The following ADAMTS12 variants were observed in gnomAD, a reference collection of about 807,000 sequenced individuals.
ADAMTS12 encodes A disintegrin and metalloproteinase with thrombospondin motifs 12.
A neutral mutation model predicts 167.8 loss-of-function variants in ADAMTS12; 118 were observed. The ratio of observed to expected loss-of-function variants is 0.70; its 90% CI spans 0.61 to 0.82. ADAMTS12 has a LOEUF of 0.82. Ranked by LOEUF, ADAMTS12 falls within the 40% of genes least tolerant of loss-of-function variation. The probability of loss-of-function intolerance (pLI) is 0.00; values close to 1 mark genes in which losing one functional copy is unlikely to be tolerated. For synonymous variants in ADAMTS12, 704 were observed against 716.9 expected (o/e 0.98, Z 0.29); for missense variants, 1,916 against 1,998.8 (o/e 0.96, Z 0.79).
At position 33,795,478 on chromosome 5, in the gene ADAMTS12, T is replaced by A. The variant is rs114120731; in HGVS notation, c.490-43930A>T. Among the ~76,000 whole-genome samples, 1,204 of 152,092 alleles carry A rather than the reference T, an allele frequency of 7.9e-3. 9 individuals are homozygous for A. The highest frequency in any genetic ancestry group is 0.028 in the African/African-American group (1,150 of 41,460). On this transcript the variant is annotated intron_variant, in intron 2 of 23. Transcript: ENST00000504830. The stretch of plus-strand genomic sequence containing the variant: ...AATCCCTACGTCAAATGAAAAAAAA[T>A]TTTAAATCGAAAAATAAATCTATTC...
At chr5:33,840,624 G>A (rs931521420) in intron 2 of ADAMTS12, among the ~76,000 whole-genome samples, 1 of 152,268 alleles carries the variant, frequency 6.6e-6, no homozygotes, top group African/African-American at 2.4e-5. Context: ...GTCAGGTGTT[G>A]AAACTGGTTG....
intron 3 of ADAMTS12, among the ~76,000 whole-genome samples, chr5:33,707,789 T>C (rs1464306971): frequency 6.6e-6 from 1 of 152,192 alleles, no homozygotes; most frequent in Admixed American, 6.5e-5. Context: ...TTACACTTTA[T>C]ACAAAAATTA....
chr5:33,817,184 T>A (rs1157844028), intron 2 of ADAMTS12, among the ~76,000 whole-genome samples: 1 of 152,174 alleles, frequency 6.6e-6, no homozygotes, highest in Non-Finnish European at 1.5e-5. Context: ...CAATGTTGGA[T>A]AAACAAGTAA....
At chr5:33,646,205 T>C (rs974504574) in intron 9 of ADAMTS12, among the ~76,000 whole-genome samples, 8 of 152,334 alleles carry the variant, frequency 5.3e-5, no homozygotes, top group East Asian at 3.9e-4. Context: ...CGCTTACCTC[T>C]ATAAATCTTC....
chr5:33,882,990 T>C (rs556926232), intron 1 of ADAMTS12, among the ~76,000 whole-genome samples: 13 of 152,366 alleles, frequency 8.5e-5, no homozygotes, highest in Middle Eastern at 3.4e-3. Context: ...CCAACTAGAA[T>C]GTCTTTTGCA....
intron 10 of ADAMTS12, among the ~76,000 whole-genome samples, chr5:33,642,985 T>C (rs1740520283): frequency 7.3e-6 from 1 of 136,804 alleles, no homozygotes; most frequent in South Asian, 2.4e-4. Flanking sequence ...AGATGATAAG[T>C]GGCCTAAATC....
intron 3 of ADAMTS12, among the ~76,000 whole-genome samples, chr5:33,719,151 T>G (rs1743716544): frequency 6.6e-6 from 1 of 152,188 alleles, no homozygotes; most frequent in African/African-American, 2.4e-5. Flanking sequence ...ACTTGGGATT[T>G]AATTCTTAGG....
At chr5:33,728,879 G>A (rs1408846698) in intron 3 of ADAMTS12, among the ~76,000 whole-genome samples, 1 of 152,172 alleles carries the variant, frequency 6.6e-6, no homozygotes, top group East Asian at 1.9e-4. Flanking sequence ...TTACAAAGTA[G>A]CATGTATCAT....
chr5:33,649,680 T>C lies in ADAMTS12; in HGVS notation c.1208A>G (p.Asp403Gly), dbSNP rs767949705. ...AGGCTCACAGTCATTTTCTTTCCCATCATGCTGGATGCCGAAGCTGGCAGG... is the reference window on the plus strand; with the variant it reads ...AGGCTCACAGTCATTTTCTTTCCCACCATGCTGGATGCCGAAGCTGGCAGG... The part of the protein sequence containing the change: ...ELGHSFGIQH[D>G]GKENDCEPVG... The change falls in exon 8 of 24, where the codon GAT becomes GGT. Residue 403 changes from aspartate to glycine, a missense_variant. Asp to Gly is a moderately conservative substitution (Grantham distance 94). Coordinates refer to ENST00000504830, the MANE Select transcript of ADAMTS12 (RefSeq NM_030955.4). The C allele has an allele frequency of 3.1e-6, 5 of 1,613,798 alleles. No individual in the cohort carries two copies. Among genetic ancestry groups the C allele is most frequent in the Non-Finnish European group, 4.2e-6 (5 of 1,179,820 alleles).
chr5:33,688,939 T>G (rs1309747794), intron 3 of ADAMTS12, among the ~76,000 whole-genome samples: 1 of 152,168 alleles, frequency 6.6e-6, no homozygotes, highest in East Asian at 1.9e-4. Context: ...TTGTTTGAGG[T>G]CCAGCTTCCC....
At chr5:33,866,074 C>A (rs1749807046) in intron 2 of ADAMTS12, among the ~76,000 whole-genome samples, 1 of 152,012 alleles carries the variant, frequency 6.6e-6, no homozygotes, top group South Asian at 2.1e-4. Flanking sequence ...TATCAAAATA[C>A]CAACATCATT....
chr5:33,630,660 T>C, intron 13 of ADAMTS12, 120 bp downstream of exon 13: 2 of 1,086,496 alleles, frequency 1.8e-6, no homozygotes, highest in Admixed American at 2.4e-5. Flanking sequence ...TCATGAACTA[T>C]ATATAAAAAA....
In ADAMTS12 at chr5:33,666,227, C is replaced by T. The variant is rs115319327; in HGVS notation, c.916-4187G>A. 1.8e-3 allele frequency among the ~76,000 whole-genome samples: 281 copies of T among 152,310 alleles called. 3 individuals are homozygous for T. The highest frequency in any genetic ancestry group is 6.4e-3 in the African/African-American group (268 of 41,572). On this transcript the variant is annotated intron_variant, in intron 5 of 23. Coordinates refer to ENST00000504830, the MANE Select transcript of ADAMTS12 (RefSeq NM_030955.4). ...TCCACCGTTAACATACACAGTCCAG[C>T]GGCGCAGGGCCGGCCAGAAAAACTA...
At chr5:33,811,277 T>C (rs1175989008) in intron 2 of ADAMTS12, among the ~76,000 whole-genome samples, 1 of 152,124 alleles carries the variant, frequency 6.6e-6, no homozygotes, top group South Asian at 2.1e-4. Flanking sequence ...GGAGTCTGTA[T>C]AAAGGGGAAA....
chr5:33,658,067 C>T, intron 7 of ADAMTS12, 117 bp downstream of exon 7: 1 of 1,306,634 alleles, frequency 7.7e-7, no homozygotes, highest in South Asian at 1.4e-5. Context: ...GAGTCACAAG[C>T]CACAGTATAA....
At chr5:33,761,056 A>G (rs1745338595) in intron 2 of ADAMTS12, among the ~76,000 whole-genome samples, 1 of 152,254 alleles carries the variant, frequency 6.6e-6, no homozygotes. Flanking sequence ...TAGGGAGAAC[A>G]ATGGGAGAGA....
At chr5:33,725,051 G>C (rs1378094248) in intron 3 of ADAMTS12, among the ~76,000 whole-genome samples, 1 of 152,022 alleles carries the variant, frequency 6.6e-6, no homozygotes, top group East Asian at 1.9e-4. Flanking sequence ...TACTACTAAG[G>C]CTCGCTTGTT....
intron 16 of ADAMTS12, among the ~76,000 whole-genome samples, chr5:33,600,569 C>T (rs373753626): frequency 1.3e-5 from 2 of 152,064 alleles, no homozygotes; most frequent in Admixed American, 6.6e-5. Flanking sequence ...TATAGTATTT[C>T]CTGTTATGTA....
At chr5:33,626,657 G>C (rs946739672) in intron 13 of ADAMTS12, among the ~76,000 whole-genome samples, 1 of 112,716 alleles carries the variant, frequency 8.9e-6, no homozygotes, top group African/African-American at 2.6e-5. Flanking sequence ...TGGTGGTGAT[G>C]TGGTAATGGT....
Sources: allele counts gnomAD v4.1 joint callset (sites outside exome capture counted in the v4.1 genomes callset), GRCh38; gene constraint gnomAD v4.1.1; transcripts MANE v1.5; gene names NCBI Gene and HGNC (gene_info 2026-07-23, HGNC 2026-07-21).